Variants in HDAC4 observed in about 807,000 individuals in gnomAD.
HDAC4 encodes histone deacetylase 4, also known as histone deacetylase A.
Under a neutral mutation model 135.1 loss-of-function variants are expected in HDAC4, and 16 were observed. That is an observed-to-expected ratio of 0.12 (90% confidence interval 0.08 to 0.18). The LOEUF is 0.18. Ranked by LOEUF, HDAC4 falls within the 10% of genes least tolerant of loss-of-function variation. HDAC4 has a pLI of 1.00. For synonymous variants in HDAC4, 685 were observed against 653.4 expected (o/e 1.05, Z -0.74); for missense variants, 1,143 against 1,511.8 (o/e 0.76, Z 4.05).
intron 1 of HDAC4, among the ~76,000 whole-genome samples, chr2:239,387,928 C>T (rs952388930): frequency 2.0e-5 from 3 of 152,148 alleles, no homozygotes; most frequent in African/African-American, 7.2e-5. Flanking sequence ...CAGATCCACA[C>T]CCCCACCCCA....
At chr2:239,098,703 A>G (rs1288411258) in intron 16 of HDAC4, among the ~76,000 whole-genome samples, 4 of 152,172 alleles carry the variant, frequency 2.6e-5, no homozygotes, top group African/African-American at 9.7e-5. Context: ...CCATTAAAAG[A>G]GGAAAGAAAA....
chr2:239,258,173 C>G (rs954012320), intron 2 of HDAC4, among the ~76,000 whole-genome samples: 4 of 151,992 alleles, frequency 2.6e-5, no homozygotes, highest in African/African-American at 9.7e-5. Flanking sequence ...AGATTAGACA[C>G]AGCTAGAGTG....
At chr2:239,271,960 C>G (rs1308302150) in intron 2 of HDAC4, among the ~76,000 whole-genome samples, 2 of 152,140 alleles carry the variant, frequency 1.3e-5, no homozygotes, top group African/African-American at 4.8e-5. Flanking sequence ...GCGCCAGATT[C>G]CAACAAACTC....
intron 2 of HDAC4, among the ~76,000 whole-genome samples, chr2:239,247,796 G>A (rs889500561): frequency 3.9e-5 from 6 of 152,162 alleles, no homozygotes; most frequent in Non-Finnish European, 8.8e-5. Context: ...TTAACTGCGC[G>A]GCTGGGAGCA....
At chr2:239,290,139 CTCAAG>C (rs2051375533) in intron 2 of HDAC4, among the ~76,000 whole-genome samples, 1 of 152,298 alleles carries the variant, frequency 6.6e-6, no homozygotes, top group Middle Eastern at 3.4e-3. Flanking sequence ...GAAAAATTCA[CTCAAG>C]TCTTGTCATT....
intron 3 of HDAC4, among the ~76,000 whole-genome samples, chr2:239,196,107 T>C (rs2045360251): frequency 6.6e-6 from 1 of 152,124 alleles, no homozygotes; most frequent in African/African-American, 2.4e-5. Flanking sequence ...ATTTCAACTA[T>C]GTAACCATGA....
rs1248134637 is a variant in HDAC4, at chr2:239,245,406, G to A, written c.23-8742C>T. Among the ~76,000 whole-genome samples, 1 of 152,150 alleles carries A rather than the reference G, an allele frequency of 6.6e-6. No homozygotes were observed. Among genetic ancestry groups the A allele is most frequent in the Admixed American group, 6.5e-5 (1 of 15,274 alleles). ...AGTCCCGATGTTTTGGTCTGGATTT[G>A]AACAACTGGCTGTAAAAAGACAGTT... On this transcript the variant is annotated intron_variant, in intron 2 of 26. Coordinates refer to ENST00000543185, the MANE Select transcript of HDAC4 (RefSeq NM_001378414.1). The surrounding 1 kb of genome is among the most constrained non-coding windows in gnomAD (Gnocchi z 4.4).
intron 3 of HDAC4, among the ~76,000 whole-genome samples, chr2:239,197,847 T>TTTTGTGTGTGTGTG (rs1553553322): frequency 5.1e-4 from 72 of 140,216 alleles, no homozygotes; most frequent in African/African-American, 1.9e-3. Flanking sequence ...CACTAAAAGT[T>TTTTGTGTGTGTGTG]TGTGTGTGTG....
At chr2:239,158,068 G>A (rs907256674) in intron 6 of HDAC4, among the ~76,000 whole-genome samples, 1 of 152,218 alleles carries the variant, frequency 6.6e-6, no homozygotes, top group Non-Finnish European at 1.5e-5. Flanking sequence ...GCTGGGACAC[G>A]CCTGTCTGCA....
At chr2:239,067,002 C>A (rs967767819) in intron 23 of HDAC4, 147 bp from the exon 24 acceptor site, 5 of 938,748 alleles carry the variant, frequency 5.3e-6, no homozygotes, top group Non-Finnish European at 8.3e-6. Flanking sequence ...AATAAATTCG[C>A]TGAAGAGTTT....
intron 13 of HDAC4, among the ~76,000 whole-genome samples, chr2:239,113,548 C>T (rs1225439144): frequency 2.0e-5 from 3 of 152,372 alleles, no homozygotes; most frequent in African/African-American, 7.2e-5. Context: ...CCAGAGAGAA[C>T]AGAAAATAAG....
chr2:239,276,278 T>C (rs2050358850), intron 2 of HDAC4, among the ~76,000 whole-genome samples: 1 of 152,146 alleles, frequency 6.6e-6, no homozygotes. Flanking sequence ...AAGTATGCCT[T>C]GGAAGTGTTG....
At chr2:239,226,614 G>C (rs1393194155) in intron 3 of HDAC4, among the ~76,000 whole-genome samples, 1 of 151,374 alleles carries the variant, frequency 6.6e-6, no homozygotes, top group Non-Finnish European at 1.5e-5. Context: ...CAGACAGTAA[G>C]CTCTTCAGAA....
chr2:239,080,202 G>A (rs1379717817), intron 22 of HDAC4, among the ~76,000 whole-genome samples: 2 of 151,978 alleles, frequency 1.3e-5, no homozygotes, highest in Non-Finnish European at 2.9e-5. Flanking sequence ...ATGCACACAC[G>A]TCACAAAGAC....
intron 2 of HDAC4, chr2:239,298,216 A>C: frequency 7.8e-7 from 1 of 1,289,730 alleles, no homozygotes; most frequent in Non-Finnish European, 1.0e-6. Flanking sequence ...CCGTCTCGGT[A>C]TTCCGGAAGC....
intron 2 of HDAC4, among the ~76,000 whole-genome samples, chr2:239,290,514 A>G (rs1161892262): frequency 6.6e-6 from 1 of 152,184 alleles, no homozygotes; most frequent in East Asian, 1.9e-4. Context: ...TTGGAGAGAA[A>G]GGGGATTTAG....
chr2:239,140,247 C>T (rs1366070843), intron 8 of HDAC4, among the ~76,000 whole-genome samples: 4 of 152,172 alleles, frequency 2.6e-5, no homozygotes, highest in African/African-American at 9.7e-5. Context: ...TCTCATTTTC[C>T]CTACATAGCA....
At chr2:239,259,922 C>T (rs993884553) in intron 2 of HDAC4, among the ~76,000 whole-genome samples, 6 of 152,294 alleles carry the variant, frequency 3.9e-5, no homozygotes, top group Admixed American at 3.9e-4. Context: ...CTTTGTCACA[C>T]AGAGGGCATC....
intron 3 of HDAC4, among the ~76,000 whole-genome samples, chr2:239,215,270 G>A (rs2046570338): frequency 6.6e-6 from 1 of 152,094 alleles, no homozygotes; most frequent in Non-Finnish European, 1.5e-5. Context: ...AGCATGTGGT[G>A]TGGTAAGGAG....
Sources: allele counts gnomAD v4.1 joint callset (sites outside exome capture counted in the v4.1 genomes callset), GRCh38; gene constraint gnomAD v4.1.1; non-coding constraint Gnocchi (gnomAD v3.1); transcripts MANE v1.5; gene names NCBI Gene and HGNC (gene_info 2026-07-23, HGNC 2026-07-21).